Variants in AKAP9 observed in about 807,000 individuals in gnomAD.
The protein encoded by AKAP9 is A-kinase anchor protein 9.
In AKAP9, 311 loss-of-function variants were observed where a neutral mutation model predicts 488.5. That is an observed-to-expected ratio of 0.64 (90% CI 0.58 to 0.70). The LOEUF (loss-of-function observed/expected upper bound fraction) is 0.70. AKAP9 is among the 30% of genes least tolerant of loss of function. AKAP9 has a pLI of 0.00. For missense variants in AKAP9, 4,215 were observed against 4,374.5 expected, an observed-to-expected ratio of 0.96 and a Z score of 1.03; for synonymous variants, 1,462 against 1,483.5, an observed-to-expected ratio of 0.99 and a Z score of 0.33.
intron 47 of AKAP9, 105 bp from the exon 48 acceptor site, chr7:92,107,188 A>G (rs1005271317): frequency 2.8e-6 from 3 of 1,090,388 alleles, no homozygotes; most frequent in South Asian, 1.3e-5. Flanking sequence ...AGGAGATTGT[A>G]TAATATAGTA....
intron 48 of AKAP9, chr7:92,108,019 CAAA>C (rs60351982): frequency 3.3e-3 from 472 of 143,452 alleles, no homozygotes; most frequent in South Asian, 0.01. Flanking sequence ...ATTTGGTCTC[CAAA>C]AAAAAAAAAA....
chr7:92,020,519 T>C (rs1802173114), intron 12 of AKAP9, among the ~76,000 whole-genome samples: 1 of 152,220 alleles, frequency 6.6e-6, no homozygotes, highest in Admixed American at 6.5e-5. Flanking sequence ...TTTAAATACT[T>C]GATTACCCTT....
Position 91,970,469 on chromosome 7 carries a change from T to G in AKAP9, c.49-3242T>G, listed in dbSNP as rs1441196713. ...TTTTTCACATTAGTGTTTTTTTCTT[T>G]CAGATTGAAGAACTCTCTTTAGCTT... On this transcript the variant is annotated intron_variant, in intron 1 of 49. Transcript: ENST00000356239. The G allele has an allele frequency of 2.4e-5, 11 of 457,256 alleles. No homozygotes were observed. The Admixed American group carries it at 2.6e-4, about 11-fold the overall frequency. 28.3% of individuals were successfully genotyped at this position (457,256 alleles called of 1,614,324 possible).
chr7:91,998,503 T>C (rs1346967587), intron 7 of AKAP9, among the ~76,000 whole-genome samples: 1 of 133,692 alleles, frequency 7.5e-6, no homozygotes, highest in African/African-American at 2.8e-5. Flanking sequence ...AAATAAGTGA[T>C]ACTAAGAAAA....
At chr7:92,084,460 T>G (rs191949298) in intron 33 of AKAP9, among the ~76,000 whole-genome samples, 180 bp from the exon 34 acceptor site, 25 of 152,202 alleles carry the variant, frequency 1.6e-4, no homozygotes, top group Admixed American at 8.5e-4. Context: ...GTATCTCTTC[T>G]TATGGTAATA....
At chr7:91,968,018 A>G (rs531828433) in intron 1 of AKAP9, among the ~76,000 whole-genome samples, 1 of 152,048 alleles carries the variant, frequency 6.6e-6, no homozygotes, top group South Asian at 2.1e-4. Context: ...GATCACTGCA[A>G]CCTCTGCCTC....
intron 1 of AKAP9, among the ~76,000 whole-genome samples, chr7:91,942,727 G>A (rs755779709): frequency 3.9e-5 from 6 of 152,202 alleles, no homozygotes; most frequent in Non-Finnish European, 8.8e-5. Flanking sequence ...GCTTGCAGTT[G>A]TAGTTGATGT....
chr7:92,109,047 AAG>A (rs1818963146), intron 49 of AKAP9: 14 of 252,714 alleles, frequency 5.5e-5, no homozygotes, highest in Admixed American at 1.1e-4. Context: ...CCCTGTCTCA[AAG>A]AAAAAAAAAA....
At position 92,110,307 on chromosome 7, in the gene AKAP9, AAAAC is replaced by A. The variant is rs1172865962; in HGVS notation, c.*153_*156del. The A allele has an allele frequency of 3.0e-6, 2 of 659,194 alleles. No homozygotes were observed. The highest frequency in any genetic ancestry group is 5.3e-6 in the Non-Finnish European group (2 of 377,920). The allele number at this position is 659,194 out of a possible 1,614,324, so 40.8% of individuals were successfully genotyped here. ...TATACAAATCCCTTGCCAGCACATGAAAACAAACTGGAATTTGTATATATAAGCA... is the reference window on the plus strand; with the variant it reads ...TATACAAATCCCTTGCCAGCACATGAAAACTGGAATTTGTATATATAAGCA... On this transcript the variant is annotated 3_prime_UTR_variant, in exon 50 of 50. Coordinates refer to ENST00000356239, the MANE Select transcript of AKAP9 (RefSeq NM_005751.5).
intron 9 of AKAP9, among the ~76,000 whole-genome samples, chr7:92,013,658 A>C (rs907555365): frequency 6.6e-6 from 1 of 152,206 alleles, no homozygotes; most frequent in Non-Finnish European, 1.5e-5. Flanking sequence ...ATGGAAAAGA[A>C]GTTTGCATTC....
At chr7:92,048,994 A>G (rs1181678387) in intron 21 of AKAP9, among the ~76,000 whole-genome samples, 2 of 152,178 alleles carry the variant, frequency 1.3e-5, no homozygotes, top group Non-Finnish European at 2.9e-5. Context: ...ACTAAAGCCT[A>G]GTGGTTTCCA....
chr7:92,002,623 G>A lies in AKAP9; in HGVS notation c.2706G>A (p.Leu902=). ...AAGCACTTAATGAAGAGCTTCATTT[G>A]CAAAGAATAAATCCAACTACAGTGA... ...KLKALNEELH[L]QRINPTTVKM... is the part of the protein sequence containing the mutation. The change falls in exon 8 of 50, where the codon TTG becomes TTA. Residue 902 remains leucine, a synonymous_variant. Coordinates refer to ENST00000356239, the MANE Select transcript of AKAP9 (RefSeq NM_005751.5). The A allele has an allele frequency of 6.2e-7, 1 of 1,612,284 alleles. No individual in the cohort carries two copies. Among genetic ancestry groups the A allele is most frequent in the Non-Finnish European group, 8.5e-7 (1 of 1,179,096 alleles).
intron 1 of AKAP9, among the ~76,000 whole-genome samples, chr7:91,944,812 G>A (rs1414439122): frequency 6.6e-6 from 1 of 152,216 alleles, no homozygotes; most frequent in Non-Finnish European, 1.5e-5. Flanking sequence ...TCCTATTTTA[G>A]CGTAGGCCTG....
intron 34 of AKAP9, 28 bp from the exon 35 acceptor site, chr7:92,084,791 T>TA (rs1563115775): frequency 5.6e-6 from 9 of 1,608,140 alleles, no homozygotes; most frequent in Non-Finnish European, 7.6e-6. Context: ...TTTTTTTTTT[T>TA]AACAGCAAAT....
In AKAP9 at chr7:92,108,506, TC is replaced by T. The variant is rs1818890231; in HGVS notation, c.11561del (p.Pro3854GlnfsTer9). 6.2e-7 allele frequency: 1 copy of T among 1,614,042 alleles called. No individual in the cohort carries two copies. Among genetic ancestry groups the T allele is most frequent in the Admixed American group, 1.7e-5 (1 of 59,996 alleles). On this transcript the variant is annotated frameshift_variant, in exon 49 of 50. Coordinates refer to ENST00000356239, the MANE Select transcript of AKAP9 (RefSeq NM_005751.5). LOFTEE classifies it high-confidence loss of function. ...TTTAATCCTTTAGGTACCCAGGCAC[TC>T]CAGCTGATTTCAATCCTGGTTCTTT... The part of the protein sequence containing the change: ...LPFQNRYPGT[P>X]ADFNPGSLAC...
At chr7:92,096,406 C>G (rs1309964102) in intron 40 of AKAP9, among the ~76,000 whole-genome samples, 3 of 149,414 alleles carry the variant, frequency 2.0e-5, no homozygotes, top group African/African-American at 7.5e-5. Context: ...GCAATCTAGG[C>G]TCACTGCAAC....
chr7:92,102,882 A>T, intron 46 of AKAP9, 56 bp downstream of exon 46: 1 of 1,426,920 alleles, frequency 7.0e-7, no homozygotes, highest in South Asian at 1.1e-5. Context: ...AGGATTAGTT[A>T]TTTTTAATTC....
At chr7:92,091,598 C>CAA (rs1352327833) in intron 38 of AKAP9, among the ~76,000 whole-genome samples, 1 of 131,080 alleles carries the variant, frequency 7.6e-6, no homozygotes, top group African/African-American at 2.9e-5. Context: ...AAAAAAAAAA[C>CAA]AAAAAAAAAA....
At chr7:92,033,982 A>G (rs920130347) in intron 16 of AKAP9, among the ~76,000 whole-genome samples, 1 of 152,186 alleles carries the variant, frequency 6.6e-6, no homozygotes, top group Non-Finnish European at 1.5e-5. Context: ...CATACAGATG[A>G]TGATAAGTAC....
Sources: allele counts gnomAD v4.1 joint callset (sites outside exome capture counted in the v4.1 genomes callset), GRCh38; gene constraint gnomAD v4.1.1; transcripts MANE v1.5; gene names NCBI Gene and HGNC (gene_info 2026-07-23, HGNC 2026-07-21).